Variants in PLS3 observed in about 807,000 individuals in gnomAD.
PLS3 encodes plastin-3.
PLS3 carries 11 observed loss-of-function variants against 46.5 expected under a neutral mutation model. That is an observed-to-expected ratio of 0.24 (90% CI 0.15 to 0.39). PLS3 has a LOEUF of 0.39. Among genes scored for constraint, PLS3 ranks in the 10% least tolerant of loss-of-function variants. PLS3 has a pLI of 1.00. For synonymous variants in PLS3, 167 were observed against 162.2 expected, an observed-to-expected ratio of 1.03 and a Z score of -0.22; for missense variants, 308 against 461.8, an observed-to-expected ratio of 0.67 and a Z score of 3.05.
rs1556641637 is a variant in PLS3 at position 115,646,033 on chromosome X, T to C, written c.1263-39T>C. 4 of 791,044 alleles carry C rather than the reference T, an allele frequency of 5.1e-6. No homozygotes were observed. In the Admixed American group the frequency reaches 9.2e-5, roughly 18 times the overall value. The allele number at this position is 791,044 out of a possible 1,213,427, so 65.2% of individuals were successfully genotyped here. A position where few individuals can be genotyped will look rare whatever the true frequency, so the allele number is the denominator to read the frequency against. ...TTTTTAAGGAAAGTCAAGTCCCAGC[T>C]TCCTGAAAACACTGATTACATTATT... is the stretch of plus-strand genomic sequence containing the variant. On this transcript the variant is annotated intron_variant, in intron 11 of 15. Transcript: ENST00000355899.
chrX:115,599,587 CT>C (rs200531547), intron 1 of PLS3, among the ~76,000 whole-genome samples: 5,195 of 85,559 alleles, frequency 0.061, 449 homozygotes, highest in African/African-American at 0.2. Flanking sequence ...CATGCTTTTG[CT>C]TTTTTTTTTT....
intron 13 of PLS3, 109 bp from the exon 14 acceptor site, chrX:115,647,441 A>G (rs2074964612): frequency 2.4e-6 from 2 of 823,012 alleles, no homozygotes; most frequent in Non-Finnish European, 1.7e-6. Context: ...CTCAAAAAAA[A>G]GAAGAAAAAT....
At chrX:115,603,600 CCT>C (rs1346698609) in intron 1 of PLS3, among the ~76,000 whole-genome samples, 1 of 109,810 alleles carries the variant, frequency 9.1e-6, no homozygotes, top group African/African-American at 3.3e-5. Context: ...TTTCTCTCTC[CCT>C]CTCTCTCATC....
Position 115,622,366 on chromosome X carries a change from A to C in PLS3, c.194A>C (p.Asp65Ala), listed in dbSNP as rs373153000. 18 of 1,194,143 alleles carry C rather than the reference A, an allele frequency of 1.5e-5. No homozygotes were observed. The African/African-American group carries it at 1.6e-4, about 10-fold the overall frequency. Residue 65 changes from aspartate to alanine, a missense_variant, in exon 3 of 16, where the codon GAC (aspartate) becomes GCC (alanine). Asp to Ala is a moderately radical substitution (Grantham distance 126, BLOSUM62 -2). Transcript: ENST00000355899. Reference sequence around the variant, plus strand: ...ATTCAGAAACTCATGCTGGATGGTGACAGGAATAAAGATGGGAAAATAAGT... The same window carrying C: ...ATTCAGAAACTCATGCTGGATGGTGCCAGGAATAAAGATGGGAAAATAAGT... ...EIIQKLMLDG[D>A]RNKDGKISFD... is the part of the protein sequence containing the mutation.
chrX:115,649,670 C>T lies in PLS3; in HGVS notation c.*109C>T. 1.4e-6 allele frequency: 1 copy of T among 723,409 alleles called. No individual in the cohort carries two copies. The highest frequency in any genetic ancestry group is 3.0e-5 in the Admixed American group (1 of 33,699). The allele number at this position is 723,409 out of a possible 1,213,427, so 59.6% of individuals were successfully genotyped here. A position where few individuals can be genotyped will look rare whatever the true frequency, so the allele number is the denominator to read the frequency against. On this transcript the variant is annotated 3_prime_UTR_variant, in exon 16 of 16. Transcript: ENST00000355899. The stretch of plus-strand genomic sequence containing the variant: ...AAGGAACTCTTGGCCATTCAAAGGA[C>T]TTTTCATTTTGATTAACAGGACTAG...
At chrX:115,610,453 A>C (rs2074537625) in intron 2 of PLS3, 130 bp downstream of exon 2, 1 of 341,802 alleles carries the variant, frequency 2.9e-6, no homozygotes, top group Admixed American at 5.5e-5. Context: ...GATGGGATAA[A>C]GTTTTGGAAG....
chrX:115,597,939 C>T lies in PLS3; in HGVS notation c.-8-12304C>T, dbSNP rs782251443. On this transcript the variant is annotated intron_variant, in intron 1 of 15. Transcript: ENST00000355899. Reference sequence around the variant, plus strand: ...GAGCTAGACCTGAAAAATAACTTTCCGAAGTAAAGTCTGCTATACGTGGTG... The same window carrying T: ...GAGCTAGACCTGAAAAATAACTTTCTGAAGTAAAGTCTGCTATACGTGGTG... 1.9e-4 allele frequency among the ~76,000 whole-genome samples: 21 copies of T among 110,831 alleles called. No homozygotes were observed. The South Asian group carries it at 3.8e-3, about 20-fold the overall frequency.
At chrX:115,606,072 G>T (rs1279965757) in intron 1 of PLS3, among the ~76,000 whole-genome samples, 2 of 101,833 alleles carry the variant, frequency 2.0e-5, no homozygotes, top group Non-Finnish European at 4.0e-5. Flanking sequence ...CAACTGGTCA[G>T]CAGGGATAAG....
intron 1 of PLS3, among the ~76,000 whole-genome samples, chrX:115,583,197 A>C (rs1421084574): frequency 1.8e-5 from 2 of 112,698 alleles, no homozygotes; most frequent in East Asian, 2.8e-4. Context: ...TGTAAAGCTC[A>C]GGACAGTCTA....
chrX:115,610,861 T>A, intron 2 of PLS3: 1 of 1,112,879 alleles, frequency 9.0e-7, no homozygotes, highest in African/African-American at 1.8e-5. Context: ...AGGCATAGCA[T>A]GCTATTTGAT....
At chrX:115,571,271 A>T (rs2074214159) in intron 1 of PLS3, among the ~76,000 whole-genome samples, 1 of 111,785 alleles carries the variant, frequency 8.9e-6, no homozygotes, top group South Asian at 3.7e-4. Context: ...TAATCCCAAC[A>T]CTTTGGGAGG....
intron 1 of PLS3, among the ~76,000 whole-genome samples, chrX:115,608,383 G>T (rs1175829266): frequency 1.8e-5 from 2 of 111,830 alleles, no homozygotes; most frequent in African/African-American, 3.2e-5. Context: ...TTTTGGAAAG[G>T]CAACATCTTT....
chrX:115,623,047 G>A (rs1409896965), intron 3 of PLS3, among the ~76,000 whole-genome samples: 2 of 110,991 alleles, frequency 1.8e-5, no homozygotes, highest in Non-Finnish European at 3.8e-5. Flanking sequence ...AACTTAGTTT[G>A]GTGTTCTCTA....
At chrX:115,631,927 C>T (rs1051390954) in intron 5 of PLS3, among the ~76,000 whole-genome samples, 1 of 110,266 alleles carries the variant, frequency 9.1e-6, no homozygotes, top group Non-Finnish European at 1.9e-5. Context: ...CCTCAGCCTC[C>T]CGAGTAGCTG....
At position 115,622,355 on chromosome X, in the gene PLS3, G is replaced by C; in HGVS notation, c.183G>C (p.Met61Ile). The change falls in exon 3 of 16, where the codon ATG becomes ATC. Residue 61 changes from methionine (M) to isoleucine (I), a missense_variant. Coordinates refer to ENST00000355899, the MANE Select transcript of PLS3 (RefSeq NM_005032.7). ...YKVREIIQKL[M>I]LDGDRNKDGK... ...TGAGAGAAATTATTCAGAAACTCAT[G>C]CTGGATGGTGACAGGAATAAAGATG... 15 of 1,197,053 alleles carry C rather than the reference G, an allele frequency of 1.3e-5. No individual in the cohort carries two copies. The highest frequency in any genetic ancestry group is 1.7e-5 in the Non-Finnish European group (15 of 883,967).
At chrX:115,639,245 CT>C (rs2074870693) in intron 8 of PLS3, among the ~76,000 whole-genome samples, 1 of 111,913 alleles carries the variant, frequency 8.9e-6, no homozygotes, top group Non-Finnish European at 1.9e-5. Flanking sequence ...TTGTAGTACA[CT>C]ATTCCTTAAG....
At chrX:115,640,698 G>A (rs1192144951) in intron 9 of PLS3, among the ~76,000 whole-genome samples, 195 bp downstream of exon 9, 9 of 111,785 alleles carry the variant, frequency 8.1e-5, no homozygotes, top group African/African-American at 2.9e-4. Context: ...GAATTCCATC[G>A]TTGTTGTGGT....
In PLS3 at chrX:115,633,841, A is replaced by G. The variant is rs1453458904; in HGVS notation, c.501-159A>G. ...TTATTTTCCATATGTGTAGTTTATT[A>G]TGATCAACATGATAAAAGTCATCTA... On this transcript the variant is annotated intron_variant, in intron 5 of 15. Coordinates refer to ENST00000355899, the MANE Select transcript of PLS3 (RefSeq NM_005032.7). Among the ~76,000 whole-genome samples, 3 of 111,804 alleles carry G rather than the reference A, an allele frequency of 2.7e-5. No homozygotes were observed. In the Admixed American group the frequency reaches 2.9e-4, roughly 11 times the overall value.
chrX:115,606,133 CT>C (rs1402824157), intron 1 of PLS3, among the ~76,000 whole-genome samples: 62 of 41,752 alleles, frequency 1.5e-3, no homozygotes, highest in African/African-American at 3.8e-3. Flanking sequence ...TATCTAATTT[CT>C]TTTTTTTTTC....
Sources: gnomAD v4.1 joint callset for allele counts (sites outside exome capture counted in the v4.1 genomes callset) on GRCh38, gnomAD v4.1.1 for gene constraint, MANE v1.5 for transcripts, NCBI Gene and HGNC (gene_info 2026-07-23, HGNC 2026-07-21) for gene names.